The following NKAIN4 variants were observed in gnomAD, a reference collection of about 807,000 sequenced individuals.
NKAIN4 encodes sodium/potassium transporting ATPase interacting 4.
A neutral mutation model predicts 28.8 loss-of-function variants in NKAIN4; 28 were observed. The ratio of observed to expected loss-of-function variants is 0.97; its 90% CI spans 0.72 to 1.33. NKAIN4 has a LOEUF of 1.33. Among genes scored for constraint, NKAIN4 ranks in the 40% most tolerant of loss-of-function variants. NKAIN4 has a pLI of 0.00. For synonymous variants in NKAIN4, 122 were observed against 115.6 expected (o/e 1.06, Z -0.36); for missense variants, 289 against 277.2 (o/e 1.04, Z -0.30).
rs2066839239 is a variant in NKAIN4, at chr20:63,245,480, C to A, written c.472-1396G>T. On this transcript the variant is annotated intron_variant, in intron 4 of 6. Coordinates refer to ENST00000370316, the MANE Select transcript of NKAIN4 (RefSeq NM_152864.4). The surrounding 1 kb of genome is among the most constrained non-coding windows in gnomAD (Gnocchi z 4.7). ...ACCTGCAGGCCACCTCTGTCCCACA[C>A]CCCCATGCTCCCCGCCCTGCACACC... Among the ~76,000 whole-genome samples the A allele has an allele frequency of 6.6e-6, 1 of 152,226 alleles. No individual in the cohort carries two copies. Among genetic ancestry groups the A allele is most frequent in the Middle Eastern group, 3.4e-3 (1 of 294 alleles).
chr20:63,254,851 G>T (rs916788033), upstream of NKAIN4: 1 of 170,442 alleles, frequency 5.9e-6, no homozygotes, highest in African/African-American at 2.4e-5. Context: ...TGCGCCCTCC[G>T]GCGTGAGATC....
rs8115708 is a variant in NKAIN4, at chr20:63,246,310, C to T, written c.471+1268G>A. Among the ~76,000 whole-genome samples the T allele has an allele frequency of 8.6e-3, 1,315 of 152,338 alleles. 17 individuals are homozygous for T. Among genetic ancestry groups the T allele is most frequent in the African/African-American group, 0.029 (1,188 of 41,584 alleles). On this transcript the variant is annotated intron_variant, in intron 4 of 6. Coordinates refer to ENST00000370316, the MANE Select transcript of NKAIN4 (RefSeq NM_152864.4). ...ACTTGGGAAATTGGCTCTTTCTCCT[C>T]CAGTGGCAGGCACCTGGGTTCCACA...
upstream of NKAIN4, chr20:63,254,542 G>T: frequency 2.3e-6 from 2 of 861,338 alleles, no homozygotes; most frequent in Non-Finnish European, 3.0e-6. Flanking sequence ...CCTGGACCCC[G>T]CCCCCTCCGC....
chr20:63,248,757 A>G, intron 3 of NKAIN4, 58 bp downstream of exon 3: 2 of 1,139,104 alleles, frequency 1.8e-6, no homozygotes, highest in South Asian at 2.5e-5. Flanking sequence ...GGGTGTTACC[A>G]GGGGCCCGGC....
At chr20:63,247,452 T>G (rs2066879579) in intron 4 of NKAIN4, 126 bp downstream of exon 4, 1 of 1,545,348 alleles carries the variant, frequency 6.5e-7, no homozygotes, top group African/African-American at 1.4e-5. Flanking sequence ...GGGTGGGGGA[T>G]GAGGAAGGCA....
chr20:63,249,170 C>T (rs1288411136), intron 2 of NKAIN4: 2 of 462,002 alleles, frequency 4.3e-6, no homozygotes, highest in East Asian at 4.3e-5. Flanking sequence ...ACGGACACAG[C>T]ATCCCTGGCT....
intron 2 of NKAIN4, chr20:63,249,217 C>A: frequency 2.7e-6 from 1 of 376,042 alleles, no homozygotes; most frequent in Non-Finnish European, 5.1e-6. Flanking sequence ...ACCGGGCTGA[C>A]ATTACACGTG....
upstream of NKAIN4, chr20:63,254,599 C>G (rs1028795853): frequency 1.8e-6 from 1 of 550,084 alleles, no homozygotes; most frequent in Admixed American, 4.5e-5. Context: ...AGCCCCAGCC[C>G]CGGGTAACAG....
chr20:63,241,929 A>G (rs1445424244), intron 6 of NKAIN4, among the ~76,000 whole-genome samples: 9 of 151,982 alleles, frequency 5.9e-5, no homozygotes, highest in Non-Finnish European at 8.8e-5. Flanking sequence ...GAGAAGAGCC[A>G]GGGGCTACCC....
intron 2 of NKAIN4, 50 bp downstream of exon 2, chr20:63,249,885 T>C (rs1601293914): frequency 1.9e-6 from 3 of 1,561,538 alleles, no homozygotes; most frequent in Middle Eastern, 1.7e-4. Context: ...GCCGCCATCC[T>C]GGTCACCTCA....
In NKAIN4 at chr20:63,245,029, G is replaced by A. The variant is rs913074038; in HGVS notation, c.472-945C>T. On this transcript the variant is annotated intron_variant, in intron 4 of 6. Coordinates refer to ENST00000370316, the MANE Select transcript of NKAIN4 (RefSeq NM_152864.4). The surrounding 1 kb of genome is among the most constrained non-coding windows in gnomAD (Gnocchi z 4.7). ...CCAACAGCCCCCCGTGAAGGCCACC[G>A]TGCCCAGGAGAGGAGACAGGACACG... Among the ~76,000 whole-genome samples the A allele has an allele frequency of 6.6e-5, 10 of 152,152 alleles. No homozygotes were observed. The highest frequency in any genetic ancestry group is 8.8e-5 in the Non-Finnish European group (6 of 68,024).
chr20:63,250,185 G>T, intron 1 of NKAIN4, 113 bp from the exon 2 acceptor site: 3 of 1,232,152 alleles, frequency 2.4e-6, no homozygotes, highest in Non-Finnish European at 3.3e-6. Flanking sequence ...CCCCACACCC[G>T]CCCACCACAC....
At chr20:63,253,462 CT>C in intron 1 of NKAIN4, 2 of 985,598 alleles carry the variant, frequency 2.0e-6, no homozygotes, top group South Asian at 9.4e-5. Flanking sequence ...CTGCTCAAAA[CT>C]CTGAAACAGC....
chr20:63,247,849 G>C (rs1177571007), intron 3 of NKAIN4, 74 bp from the exon 4 acceptor site: 1 of 1,406,158 alleles, frequency 7.1e-7, no homozygotes, highest in African/African-American at 1.5e-5. Flanking sequence ...AGCCTGCGGG[G>C]ACGCCACCAC....
intron 1 of NKAIN4, 90 bp downstream of exon 1, chr20:63,254,307 C>A: frequency 9.2e-7 from 1 of 1,086,310 alleles, no homozygotes; most frequent in Non-Finnish European, 1.2e-6. Flanking sequence ...GCGAACGGGC[C>A]CCGGGGCGGA....
chr20:63,248,148 G>A (rs1208099857), intron 3 of NKAIN4: 1 of 191,548 alleles, frequency 5.2e-6, no homozygotes, highest in Non-Finnish European at 1.1e-5. Flanking sequence ...TGTGGTTCCA[G>A]GAAGCGGGGG....
upstream of NKAIN4, chr20:63,254,588 C>G: frequency 1.7e-6 from 1 of 590,974 alleles, no homozygotes; most frequent in Non-Finnish European, 2.5e-6. Context: ...ACCCCCGGCC[C>G]AGCCCCAGCC....
chr20:63,241,201 C>T lies in NKAIN4; in HGVS notation c.*296G>A. 2.5e-6 allele frequency: 1 copy of T among 406,012 alleles called. No homozygotes were observed. Among genetic ancestry groups the T allele is most frequent in the South Asian group, 2.6e-5 (1 of 38,648 alleles). The allele number at this position is 406,012 out of a possible 1,614,324, so 25.2% of individuals were successfully genotyped here. On this transcript the variant is annotated 3_prime_UTR_variant, in exon 7 of 7. Coordinates refer to ENST00000370316, the MANE Select transcript of NKAIN4 (RefSeq NM_152864.4). ...GACAGCCTGGGGGCAGAGCTGTGAC[C>T]CCCATGTTGCCAGAGGAGGTGGGCA...
chr20:63,241,759 G>A lies in NKAIN4; in HGVS notation c.618-253C>T, dbSNP rs182214033. On this transcript the variant is annotated intron_variant, in intron 6 of 6. Transcript: ENST00000370316. ...TGGGGTCTGGCCTGTGGGGCTGGGAGTGGAGAGGGGGCTCACCCAGGGGTG... is the reference window on the plus strand; with the variant it reads ...TGGGGTCTGGCCTGTGGGGCTGGGAATGGAGAGGGGGCTCACCCAGGGGTG... 2.8e-4 allele frequency: 187 copies of A among 668,082 alleles called. No homozygotes were observed. The East Asian group carries it at 3.9e-3, about 14-fold the overall frequency. The allele number at this position is 668,082 out of a possible 1,614,324, so 41.4% of individuals were successfully genotyped here. A position where few individuals can be genotyped will look rare whatever the true frequency, so the allele number is the denominator to read the frequency against.
Sources: allele counts gnomAD v4.1 joint callset (sites outside exome capture counted in the v4.1 genomes callset), GRCh38; gene constraint gnomAD v4.1.1; non-coding constraint Gnocchi (gnomAD v3.1); transcripts MANE v1.5; gene names NCBI Gene and HGNC (gene_info 2026-07-23, HGNC 2026-07-21).